The following HDAC8 variants were observed in gnomAD, a reference collection of about 807,000 sequenced individuals.
HDAC8 encodes histone deacetylase 8.
A neutral mutation model predicts 32.2 loss-of-function variants in HDAC8; 1 was observed. The ratio of observed to expected loss-of-function variants is 0.03; its 90% CI spans 0.01 to 0.15. The LOEUF (loss-of-function observed/expected upper bound fraction) is 0.15. HDAC8 is among the 10% of genes least tolerant of loss of function. HDAC8 has a pLI of 1.00. For missense variants in HDAC8, 117 were observed against 300.0 expected, an observed-to-expected ratio of 0.39 and a Z score of 4.51; for synonymous variants, 108 against 113.9, an observed-to-expected ratio of 0.95 and a Z score of 0.33.
chrX:72,474,904 G>A (rs1185382361), intron 7 of HDAC8, among the ~76,000 whole-genome samples: 1 of 111,645 alleles, frequency 9.0e-6, no homozygotes, highest in Admixed American at 9.5e-5. Flanking sequence ...TTAATATCAG[G>A]GGCTGAACAT....
At chrX:72,461,965 C>T (rs2047879625) in intron 9 of HDAC8, 39 bp downstream of exon 9, 1 of 1,033,121 alleles carries the variant, frequency 9.7e-7, no homozygotes, top group South Asian at 1.9e-5. Context: ...CTCAGCTCTT[C>T]CCCTTAAAGA....
In HDAC8 at chrX:72,497,260, T is replaced by G. The variant is rs1185075851; in HGVS notation, c.438-1992A>C. Reference sequence around the variant, plus strand: ...ATTGTATGAATTTGTAACATTTTTCTACCTCTGGATAGTATTACTAAATTA... The same window carrying G: ...ATTGTATGAATTTGTAACATTTTTCGACCTCTGGATAGTATTACTAAATTA... On this transcript the variant is annotated intron_variant, in intron 4 of 10. Coordinates refer to ENST00000373573, the MANE Select transcript of HDAC8 (RefSeq NM_018486.3). 7.2e-5 allele frequency among the ~76,000 whole-genome samples: 8 copies of G among 111,734 alleles called. No homozygotes were observed. The Admixed American group carries it at 7.6e-4, about 11-fold the overall frequency.
intron 9 of HDAC8, among the ~76,000 whole-genome samples, chrX:72,423,504 T>A (rs782270191): frequency 6.2e-5 from 7 of 112,130 alleles, no homozygotes; most frequent in Non-Finnish European, 9.4e-5. Context: ...ATCTCCCACA[T>A]CCATGCACAG....
chrX:72,510,100 T>A (rs1181786496), intron 4 of HDAC8, among the ~76,000 whole-genome samples: 3 of 111,834 alleles, frequency 2.7e-5, no homozygotes, highest in Admixed American at 9.5e-5. Flanking sequence ...TTAAAAGTCC[T>A]CCCAAAGGCA....
chrX:72,483,345 T>C (rs1556004111), intron 7 of HDAC8, among the ~76,000 whole-genome samples: 2 of 111,624 alleles, frequency 1.8e-5, no homozygotes, highest in Admixed American at 1.9e-4. Flanking sequence ...CTTGGTGCTG[T>C]CCTCATGGTA....
intron 3 of HDAC8, 118 bp from the exon 4 acceptor site, chrX:72,568,148 A>G (rs1334027675): frequency 1.8e-6 from 1 of 563,442 alleles, no homozygotes; most frequent in African/African-American, 2.3e-5. Flanking sequence ...ATCAGCTCCA[A>G]CTGAGACAGA....
chrX:72,550,987 C>T (rs1241104466), intron 4 of HDAC8, among the ~76,000 whole-genome samples: 1 of 109,727 alleles, frequency 9.1e-6, no homozygotes, highest in Non-Finnish European at 1.9e-5. Context: ...TCTCATGGAT[C>T]GTCAGGTATA....
intron 9 of HDAC8, among the ~76,000 whole-genome samples, chrX:72,417,023 A>G (rs2046363304): frequency 9.0e-6 from 1 of 111,439 alleles, no homozygotes; most frequent in Non-Finnish European, 1.9e-5. Flanking sequence ...TATAAAACAT[A>G]AACTCTACTA....
intron 4 of HDAC8, among the ~76,000 whole-genome samples, chrX:72,560,211 G>A (rs1232317961): frequency 3.6e-5 from 4 of 112,178 alleles, no homozygotes; most frequent in African/African-American, 1.3e-4. Context: ...ATTTTGTTCT[G>A]TACTAAGAAA....
intron 9 of HDAC8, among the ~76,000 whole-genome samples, chrX:72,431,579 G>T (rs980885315): frequency 9.1e-6 from 1 of 109,550 alleles, no homozygotes; most frequent in Admixed American, 9.8e-5. Flanking sequence ...TCTTGAAAAA[G>T]TTAGTCCTAC....
intron 7 of HDAC8, among the ~76,000 whole-genome samples, chrX:72,484,083 C>T (rs782795730): frequency 4.5e-5 from 5 of 112,110 alleles, no homozygotes; most frequent in Admixed American, 9.4e-5. Context: ...GAAAGAGGTA[C>T]GAATCTTAAG....
At chrX:72,374,717 T>C (rs1331588394) in intron 9 of HDAC8, among the ~76,000 whole-genome samples, 1 of 110,929 alleles carries the variant, frequency 9.0e-6, no homozygotes, top group Admixed American at 9.5e-5. Flanking sequence ...TTATATATGA[T>C]TTGCAAATAT....
At chrX:72,394,758 G>A (rs2045714719) in intron 9 of HDAC8, among the ~76,000 whole-genome samples, 1 of 112,310 alleles carries the variant, frequency 8.9e-6, no homozygotes, top group South Asian at 3.7e-4. Context: ...TTAGCAGTTT[G>A]CTCATGCTTT....
chrX:72,434,106 G>A (rs191098127), intron 9 of HDAC8, among the ~76,000 whole-genome samples: 90 of 111,733 alleles, frequency 8.1e-4, no homozygotes, highest in African/African-American at 2.8e-3. Flanking sequence ...CCAAAATCCC[G>A]GACCCTGCTG....
At chrX:72,458,143 T>C (rs1317580210) in intron 9 of HDAC8, among the ~76,000 whole-genome samples, 1 of 112,340 alleles carries the variant, frequency 8.9e-6, no homozygotes, top group East Asian at 2.8e-4. Flanking sequence ...CATGGTACCA[T>C]GACACCTTTG....
At chrX:72,387,516 G>T (rs1236923243) in intron 9 of HDAC8, among the ~76,000 whole-genome samples, 1 of 111,777 alleles carries the variant, frequency 8.9e-6, no homozygotes, top group Admixed American at 9.5e-5. Context: ...GGGGTGGCAA[G>T]AGAGGTTGTG....
At chrX:72,479,561 C>A (rs782414073) in intron 7 of HDAC8, among the ~76,000 whole-genome samples, 14 of 111,921 alleles carry the variant, frequency 1.3e-4, no homozygotes, top group Non-Finnish European at 2.1e-4. Context: ...GTCAGCATAA[C>A]AAGAGACCAG....
At chrX:72,423,817 C>T (rs1304035701) in intron 9 of HDAC8, among the ~76,000 whole-genome samples, 4 of 111,908 alleles carry the variant, frequency 3.6e-5, no homozygotes, top group African/African-American at 6.5e-5. Flanking sequence ...TGAGAGTCTT[C>T]CCTCTGGAGC....
intron 7 of HDAC8, chrX:72,466,704 A>G (rs1283800147): frequency 1.8e-5 from 2 of 112,041 alleles, no homozygotes; most frequent in East Asian, 5.6e-4. Context: ...TAGTAATTGT[A>G]CTCTTGGGCA....
Sources: allele counts gnomAD v4.1 joint callset (sites outside exome capture counted in the v4.1 genomes callset), GRCh38; gene constraint gnomAD v4.1.1; transcripts MANE v1.5; gene names NCBI Gene and HGNC (gene_info 2026-07-23, HGNC 2026-07-21).